PRRC2C: variants seen among roughly 807,000 people sequenced by gnomAD.
PRRC2C encodes the protein proline rich coiled-coil 2C.
A neutral mutation model predicts 317.2 loss-of-function variants in PRRC2C; 72 were observed. The observed-to-expected ratio is 0.23, with a 90% CI of 0.19 to 0.28. The LOEUF is 0.28. PRRC2C is among the 10% of genes least tolerant of loss of function. The pLI, the probability that PRRC2C is intolerant of heterozygous loss-of-function variation, is 1.00. For synonymous variants in PRRC2C, 1,296 were observed against 1,205.9 expected (o/e 1.07, Z -1.55); for missense variants, 3,074 against 3,459.7 (o/e 0.89, Z 2.80).
intron 19 of PRRC2C, among the ~76,000 whole-genome samples, chr1:171,559,505 GTTTGTTTT>G (rs1322434928): frequency 0.11 from 10,066 of 94,836 alleles, 2,218 homozygotes; most frequent in East Asian, 0.17. Context: ...GGCATACCAA[GTTTGTTTT>G]TTTTTTTTTT....
In PRRC2C at chr1:171,532,675, A is replaced by T. The variant is rs1335345174; in HGVS notation, c.1587A>T (p.Arg529=). The T allele has an allele frequency of 2.6e-6, 4 of 1,551,584 alleles. No homozygotes were observed. Among genetic ancestry groups the T allele is most frequent in the Non-Finnish European group, 3.5e-6 (4 of 1,147,050 alleles). Residue 529 remains arginine (R), a synonymous_variant, in exon 12 of 35, where the codon CGA becomes CGT. Coordinates refer to ENST00000647382, the MANE Select transcript of PRRC2C (RefSeq NM_001387844.1). The part of the protein sequence containing the change: ...KELEKEQEQE[R]EKEREKDRER... ...TTGAAAAAGAACAAGAACAGGAGCG[A>T]GAGAAGGAGAGGGAAAAAGACAGAG...
At chr1:171,518,951 C>T (rs902729604) in intron 6 of PRRC2C, among the ~76,000 whole-genome samples, 1 of 148,094 alleles carries the variant, frequency 6.8e-6, no homozygotes, top group Non-Finnish European at 1.5e-5. Context: ...GGCATGATGT[C>T]GGCTCACTGC....
At chr1:171,552,048 T>A (rs1680348928) in intron 18 of PRRC2C, among the ~76,000 whole-genome samples, 1 of 152,248 alleles carries the variant, frequency 6.6e-6, no homozygotes, top group South Asian at 2.1e-4. Context: ...TAAATTACCT[T>A]GGGCAGTATG....
intron 23 of PRRC2C, among the ~76,000 whole-genome samples, chr1:171,570,730 C>CT (rs35765066): frequency 0.16 from 24,028 of 152,180 alleles, 1,956 homozygotes; most frequent in Middle Eastern, 0.29. Context: ...ACAGTCCATA[C>CT]TTTCTTCCCA....
chr1:171,588,287 A>T, intron 32 of PRRC2C, 92 bp from the exon 33 acceptor site: 1 of 1,387,674 alleles, frequency 7.2e-7, no homozygotes, highest in African/African-American at 1.5e-5. Flanking sequence ...ACTACCAAGT[A>T]TGATGAAAAT....
chr1:171,528,254 T>C (rs1675040158), intron 11 of PRRC2C, among the ~76,000 whole-genome samples: 1 of 151,948 alleles, frequency 6.6e-6, no homozygotes, highest in East Asian at 1.9e-4. Flanking sequence ...CATTGCAGTG[T>C]CTACCCTATT....
At chr1:171,542,330 C>A (rs1238503338) in intron 16 of PRRC2C, 101 bp downstream of exon 16, 7 of 1,053,230 alleles carry the variant, frequency 6.6e-6, no homozygotes, top group Admixed American at 3.1e-5. Flanking sequence ...AGATAAAGGA[C>A]CAAAAAACAT....
At chr1:171,574,168 TA>T (rs1685298550) in intron 24 of PRRC2C, among the ~76,000 whole-genome samples, 2 of 152,108 alleles carry the variant, frequency 1.3e-5, no homozygotes, top group Non-Finnish European at 2.9e-5. Context: ...AAAAAACTTA[TA>T]AAATATCAAT....
At chr1:171,584,647 C>A (rs1229223786) in intron 30 of PRRC2C, 121 bp downstream of exon 30, 32 of 1,167,356 alleles carry the variant, frequency 2.7e-5, no homozygotes, top group Non-Finnish European at 3.4e-5. Flanking sequence ...TTAAACTGTT[C>A]ACTGAGATGT....
At chr1:171,525,085 G>A (rs1674324714) in intron 10 of PRRC2C, 120 bp downstream of exon 10, 1 of 852,114 alleles carries the variant, frequency 1.2e-6, no homozygotes. Flanking sequence ...AAAGGAAACT[G>A]TGTATTTTTT....
chr1:171,584,879 C>T (rs1281828652), intron 30 of PRRC2C, among the ~76,000 whole-genome samples: 3 of 152,136 alleles, frequency 2.0e-5, no homozygotes, highest in Non-Finnish European at 4.4e-5. Context: ...TCAAGTGATC[C>T]TTGCACCGCA....
Position 171,535,479 on chromosome 1 carries a change from C to A in PRRC2C, c.1925C>A (p.Ala642Asp), listed in dbSNP as rs748486423. 3.1e-6 allele frequency: 5 copies of A among 1,613,838 alleles called. No individual in the cohort carries two copies. The African/African-American group carries it at 6.7e-5, about 22-fold the overall frequency. The change falls in exon 13 of 35, where the codon GCC becomes GAC. Residue 642 changes from alanine to aspartate, a missense_variant. Coordinates refer to ENST00000647382, the MANE Select transcript of PRRC2C (RefSeq NM_001387844.1). ...GACAGCAATCGCAGTGAAAAGGAAG[C>A]CACACCAGTGGTGCATGAAACAGAA... Reference protein sequence around the residue: ...RQDSNRSEKEATPVVHETEPE... With the variant: ...RQDSNRSEKEDTPVVHETEPE...
intron 1 of PRRC2C, among the ~76,000 whole-genome samples, chr1:171,500,037 A>G (rs896176009): frequency 2.0e-5 from 3 of 152,206 alleles, no homozygotes; most frequent in Non-Finnish European, 2.9e-5. Flanking sequence ...GTTGTCGTTC[A>G]TTTTTAATGT....
At chr1:171,577,753 G>A (rs974146075) in intron 26 of PRRC2C, 116 bp downstream of exon 26, 11 of 640,190 alleles carry the variant, frequency 1.7e-5, no homozygotes, top group South Asian at 4.5e-5. Flanking sequence ...GTACATTGCT[G>A]TAAATATTTA....
At chr1:171,516,741 G>A (rs905566969) in intron 5 of PRRC2C, among the ~76,000 whole-genome samples, 3 of 152,184 alleles carry the variant, frequency 2.0e-5, no homozygotes, top group Non-Finnish European at 4.4e-5. Context: ...TCAAAGCCGC[G>A]ATGAAGCTGT....
At chr1:171,504,463 G>T (rs1036415839) in intron 1 of PRRC2C, among the ~76,000 whole-genome samples, 1 of 152,134 alleles carries the variant, frequency 6.6e-6, no homozygotes, top group Non-Finnish European at 1.5e-5. Flanking sequence ...ATGGTGTAAG[G>T]TATGAATCAG....
At position 171,558,111 on chromosome 1, in the gene PRRC2C, C is replaced by A; in HGVS notation, c.5999C>A (p.Pro2000Gln). 1.2e-6 allele frequency: 2 copies of A among 1,613,492 alleles called. No individual in the cohort carries two copies. The highest frequency in any genetic ancestry group is 1.1e-5 in the South Asian group (1 of 91,050). ...GAATTATGGGATAACAAGGTGGCCCCACCAGCTGTGCTGAATGATATCTCT... is the reference window on the plus strand; with the variant it reads ...GAATTATGGGATAACAAGGTGGCCCAACCAGCTGTGCTGAATGATATCTCT... ...TAELWDNKVA[P>Q]PAVLNDISKK... The change falls in exon 19 of 35, where the codon CCA becomes CAA. Residue 2000 changes from proline to glutamine, a missense_variant. This residue lies in a region of PRRC2C where 640 missense variants were observed against 676.1 expected (regional missense o/e 0.95). Coordinates refer to ENST00000647382, the MANE Select transcript of PRRC2C (RefSeq NM_001387844.1).
chr1:171,512,114 CA>C lies in PRRC2C; in HGVS notation c.30del (p.Ala11GlnfsTer21). MSEKSGQS[T>X]KAKDGKKYAT... Reference sequence around the variant, plus strand: ...ATGTCGGAGAAGTCAGGCCAGAGCACAAAAGCAAAGGATGGGAAAAAGTATG... The same window carrying C: ...ATGTCGGAGAAGTCAGGCCAGAGCACAAAGCAAAGGATGGGAAAAAGTATG... On this transcript the variant is annotated frameshift_variant, in exon 2 of 35. Transcript: ENST00000647382. LOFTEE classifies it high-confidence loss of function. 1.3e-6 allele frequency: 2 copies of C among 1,574,956 alleles called. No homozygotes were observed. Among genetic ancestry groups the C allele is most frequent in the East Asian group, 2.3e-5 (1 of 42,948 alleles).
intron 24 of PRRC2C, among the ~76,000 whole-genome samples, chr1:171,572,765 A>G (rs1048168322): frequency 6.6e-6 from 1 of 152,180 alleles, no homozygotes; most frequent in Admixed American, 6.5e-5. Context: ...ATATAATGTC[A>G]TCTTTAATTA....
Sources: allele counts gnomAD v4.1 joint callset (sites outside exome capture counted in the v4.1 genomes callset), GRCh38; gene constraint gnomAD v4.1.1; regional missense constraint gnomAD v4.1.1; transcripts MANE v1.5; gene names NCBI Gene and HGNC (gene_info 2026-07-23, HGNC 2026-07-21).